Variants in GEMIN5 observed in about 807,000 individuals in gnomAD.
The protein encoded by GEMIN5 is gem nuclear organelle associated protein 5.
A neutral mutation model predicts 176.9 loss-of-function variants in GEMIN5; 124 were observed. The observed-to-expected ratio is 0.70, with a 90% CI of 0.61 to 0.81. The LOEUF (loss-of-function observed/expected upper bound fraction) is 0.81, where lower values mean the gene tolerates loss of function less well. GEMIN5 is among the 40% of genes least tolerant of loss of function. The pLI is 0.00. For missense variants in GEMIN5, 1,843 were observed against 1,814.6 expected (o/e 1.02, Z -0.28); for synonymous variants, 673 against 665.2 (o/e 1.01, Z -0.18).
At chr5:154,893,034 T>C (rs1763270996) in intron 24 of GEMIN5, among the ~76,000 whole-genome samples, 1 of 151,284 alleles carries the variant, frequency 6.6e-6, no homozygotes, top group Non-Finnish European at 1.5e-5. Flanking sequence ...AAGGTGGAGG[T>C]TGTGGTGAGC....
chr5:154,907,543 C>T (rs768123931), intron 16 of GEMIN5, 48 bp downstream of exon 16: 3 of 1,421,094 alleles, frequency 2.1e-6, no homozygotes, highest in Non-Finnish European at 3.0e-6. Context: ...CTTAGTTTCC[C>T]AGACACGACC....
At position 154,921,808 on chromosome 5, in the gene GEMIN5, A is replaced by T. The variant is rs1763929577; in HGVS notation, c.1380-383T>A. ...AGACTTACTCTGTGCCATTAACATC[A>T]CATTTCCTAAATTGAGACAAGATTT... On this transcript the variant is annotated intron_variant, in intron 9 of 27. Coordinates refer to ENST00000285873, the MANE Select transcript of GEMIN5 (RefSeq NM_015465.5). Among the ~76,000 whole-genome samples, 3 of 152,316 alleles carry T rather than the reference A, an allele frequency of 2.0e-5. No individual in the cohort carries two copies. In the South Asian group the frequency reaches 6.2e-4, roughly 32 times the overall value.
At position 154,920,532 on chromosome 5, in the gene GEMIN5, C is replaced by T. The variant is rs144376373; in HGVS notation, c.1463-429G>A. 9.6e-4 allele frequency among the ~76,000 whole-genome samples: 146 copies of T among 152,270 alleles called. No individual in the cohort carries two copies. In the Middle Eastern group the frequency reaches 0.017, roughly 18 times the overall value. ...AGAGATGTCATCAAAGCAGTGATTT[C>T]CTTAGTATCACAGCAATCTTCTTGT... On this transcript the variant is annotated intron_variant, in intron 10 of 27. Transcript: ENST00000285873.
Position 154,912,812 on chromosome 5 carries a change from G to C in GEMIN5, c.1995+87C>G, listed in dbSNP as rs540979358. The C allele has an allele frequency of 1.1e-4, 132 of 1,158,908 alleles. No individual in the cohort carries two copies. The African/African-American group carries it at 1.8e-3, about 16-fold the overall frequency. The allele number at this position is 1,158,908 out of a possible 1,614,324, so 71.8% of individuals were successfully genotyped here. A position where few individuals can be genotyped will look rare whatever the true frequency, so the allele number is the denominator to read the frequency against. ...AGTAGATGATGATAATGGGGGAGGG[G>C]GAACCTGTTCACAACTGGGGGAAAA... On this transcript the variant is annotated intron_variant, in intron 14 of 27. Transcript: ENST00000285873.
chr5:154,902,015 T>C (rs1465084190), intron 20 of GEMIN5, among the ~76,000 whole-genome samples: 1 of 152,172 alleles, frequency 6.6e-6, no homozygotes, highest in African/African-American at 2.4e-5. Flanking sequence ...TTGCCTAGGC[T>C]GGTCTCAAAC....
chr5:154,898,734 T>C (rs1043235856), intron 22 of GEMIN5, 84 bp from the exon 23 acceptor site: 2 of 1,148,172 alleles, frequency 1.7e-6, no homozygotes, highest in Non-Finnish European at 2.6e-6. Context: ...TTTCTTTCTA[T>C]CTACTTTGCT....
intron 3 of GEMIN5, among the ~76,000 whole-genome samples, chr5:154,933,408 T>C (rs1036057814): frequency 1.3e-5 from 2 of 152,242 alleles, no homozygotes; most frequent in South Asian, 2.1e-4. Flanking sequence ...CATTACACTA[T>C]TGTATTAGTA....
chr5:154,895,893 G>T lies in GEMIN5; in HGVS notation c.3597+199C>A, dbSNP rs577390967. ...AACTAAAAAAAACAAAACAAAAAAG[G>T]GAATACTGATCTAATACTAACTTTA... is the stretch of plus-strand genomic sequence containing the variant. On this transcript the variant is annotated intron_variant, in intron 24 of 27. Transcript: ENST00000285873. Among the ~76,000 whole-genome samples the T allele has an allele frequency of 9.1e-4, 139 of 152,162 alleles. 1 individual carries two copies. Among genetic ancestry groups the T allele is most frequent in the Admixed American group, 2.3e-3 (35 of 15,264 alleles).
At chr5:154,925,087 C>A (rs941173029) in intron 8 of GEMIN5, among the ~76,000 whole-genome samples, 1 of 151,924 alleles carries the variant, frequency 6.6e-6, no homozygotes, top group East Asian at 1.9e-4. Flanking sequence ...TCTCTCTTTC[C>A]AGATATTTTT....
intron 17 of GEMIN5, among the ~76,000 whole-genome samples, 161 bp from the exon 18 acceptor site, chr5:154,904,790 A>G (rs1034342929): frequency 8.5e-5 from 13 of 152,226 alleles, no homozygotes; most frequent in Non-Finnish European, 1.8e-4. Context: ...TGCTGGGGGC[A>G]TTGTTCACAA....
At chr5:154,930,845 T>A (rs1207472184) in intron 5 of GEMIN5, among the ~76,000 whole-genome samples, 3 of 151,574 alleles carry the variant, frequency 2.0e-5, no homozygotes, top group African/African-American at 7.3e-5. Context: ...CCAAAAAAAA[T>A]AAAATAAAAT....
chr5:154,898,579 C>T lies in GEMIN5; in HGVS notation c.3206G>A (p.Arg1069Lys), dbSNP rs1379038126. 1.2e-6 allele frequency: 2 copies of T among 1,614,078 alleles called. No homozygotes were observed. The highest frequency in any genetic ancestry group is 1.3e-5 in the African/African-American group (1 of 74,928). ...LAKKGDAASLRTAAELAAIVG... is the reference protein window; with the variant it reads ...LAKKGDAASLKTAAELAAIVG... ...GATGGCAGCCAACTCTGCAGCCGTTCTAAGTGATGCCGCATCCCCCTTTTT... is the reference window on the plus strand; with the variant it reads ...GATGGCAGCCAACTCTGCAGCCGTTTTAAGTGATGCCGCATCCCCCTTTTT... The change falls in exon 23 of 28, where the codon AGA becomes AAA. Residue 1069 changes from arginine (R) to lysine (K), a missense_variant. Transcript: ENST00000285873.
intron 7 of GEMIN5, among the ~76,000 whole-genome samples, chr5:154,926,880 C>G (rs1213356396): frequency 6.6e-6 from 1 of 152,156 alleles, no homozygotes; most frequent in Non-Finnish European, 1.5e-5. Flanking sequence ...TCCATCTCTA[C>G]TAAAAACACA....
At chr5:154,898,956 CATA>C (rs1366544248) in intron 22 of GEMIN5, among the ~76,000 whole-genome samples, 2 of 152,116 alleles carry the variant, frequency 1.3e-5, no homozygotes, top group Non-Finnish European at 2.9e-5. Flanking sequence ...TAGAAAAATG[CATA>C]ATTTCTTAAT....
intron 13 of GEMIN5, among the ~76,000 whole-genome samples, chr5:154,913,988 G>C (rs898930054): frequency 9.9e-5 from 15 of 152,032 alleles, no homozygotes; most frequent in African/African-American, 3.4e-4. Context: ...ACAATACAGT[G>C]AGACCCAGTT....
At chr5:154,924,976 G>A (rs1464971988) in intron 8 of GEMIN5, among the ~76,000 whole-genome samples, 5 of 152,062 alleles carry the variant, frequency 3.3e-5, no homozygotes, top group Non-Finnish European at 7.4e-5. Context: ...GCGACAGAGT[G>A]AGACTCTGTC....
Position 154,898,629 on chromosome 5 carries a change from A to T in GEMIN5, c.3156T>A (p.Ala1052=). The change falls in exon 23 of 28, where the codon GCT becomes GCA. Residue 1052 remains alanine, a synonymous_variant. Transcript: ENST00000285873. Reference sequence around the variant, plus strand: ...TGGCCAAAACTTTGGCTGCATCATAAGCACAAGTGGCCCCTAAATAGCTAT... The same window carrying T: ...TGGCCAAAACTTTGGCTGCATCATATGCACAAGTGGCCCCTAAATAGCTAT... The part of the protein sequence containing the change: ...AAKCYLGATC[A]YDAAKVLAKK... 1 of 1,613,458 alleles carries T rather than the reference A, an allele frequency of 6.2e-7. No individual in the cohort carries two copies. The highest frequency in any genetic ancestry group is 8.5e-7 in the Non-Finnish European group (1 of 1,179,356).
Position 154,911,863 on chromosome 5 carries a change from A to G in GEMIN5, c.2031T>C (p.Asn677=). 2 of 1,614,138 alleles carry G rather than the reference A, an allele frequency of 1.2e-6. No homozygotes were observed. The highest frequency in any genetic ancestry group is 1.7e-6 in the Non-Finnish European group (2 of 1,180,004). Residue 677 remains asparagine, a synonymous_variant, in exon 15 of 28, where the codon AAT becomes AAC. Transcript: ENST00000285873. ...WDALREEPLC[N]FRGHRGRLLC... Reference sequence around the variant, plus strand: ...GCAGTCGACCTCGATGTCCTCGGAAATTGCACAGGGGCTCTTCCCGGAGAG... The same window carrying G: ...GCAGTCGACCTCGATGTCCTCGGAAGTTGCACAGGGGCTCTTCCCGGAGAG...
chr5:154,896,917 T>C (rs1160629018), intron 23 of GEMIN5, among the ~76,000 whole-genome samples: 1 of 152,254 alleles, frequency 6.6e-6, no homozygotes, highest in East Asian at 1.9e-4. Flanking sequence ...AGATTCCTTG[T>C]GTACTCCTAT....
Sources: gnomAD v4.1 joint callset for allele counts (sites outside exome capture counted in the v4.1 genomes callset) on GRCh38, gnomAD v4.1.1 for gene constraint, MANE v1.5 for transcripts, NCBI Gene and HGNC (gene_info 2026-07-23, HGNC 2026-07-21) for gene names.